The following CC2D2B variants were observed in gnomAD, a reference collection of about 807,000 sequenced individuals.
CC2D2B encodes protein CC2D2B.
Under a neutral mutation model 161.2 loss-of-function variants are expected in CC2D2B, and 128 were observed. That is an observed-to-expected ratio of 0.79 (90% CI 0.69 to 0.92). CC2D2B has a LOEUF of 0.92. CC2D2B is among the 40% of genes least tolerant of loss of function. The pLI, the probability that CC2D2B is intolerant of heterozygous loss-of-function variation, is 0.00. For synonymous variants in CC2D2B, 391 were observed against 449.8 expected, an observed-to-expected ratio of 0.87 and a Z score of 1.65; for missense variants, 1,173 against 1,375.1, an observed-to-expected ratio of 0.85 and a Z score of 2.32.
intron 22 of CC2D2B, among the ~76,000 whole-genome samples, chr10:95,993,940 G>GTC: frequency 3.8e-5 from 1 of 26,300 alleles, no homozygotes; most frequent in Admixed American, 4.3e-4. Context: ...GTGTGTGTGT[G>GTC]TGTATGTATG....
At chr10:95,912,241 C>T (rs1029824936) in intron 2 of CC2D2B, among the ~76,000 whole-genome samples, 1 of 152,086 alleles carries the variant, frequency 6.6e-6, no homozygotes, top group African/African-American at 2.4e-5. Context: ...TAAAAAGAAA[C>T]TTATAACCAT....
chr10:95,962,410 A>G (rs2076791570), intron 12 of CC2D2B, among the ~76,000 whole-genome samples: 1 of 152,176 alleles, frequency 6.6e-6, no homozygotes, highest in African/African-American at 2.4e-5. Flanking sequence ...CAAATGCTGG[A>G]AAGGATGCTG....
chr10:96,029,241 C>CATATATATATATATAT (rs56195141), intron 34 of CC2D2B, among the ~76,000 whole-genome samples: 9 of 67,152 alleles, frequency 1.3e-4, no homozygotes, highest in Admixed American at 2.0e-4. Flanking sequence ...TTTCATGTAC[C>CATATATATATATATAT]ATATATATAT....
chr10:96,029,557 T>C (rs1253688021), intron 34 of CC2D2B, among the ~76,000 whole-genome samples: 2 of 151,370 alleles, frequency 1.3e-5, no homozygotes, highest in Non-Finnish European at 2.9e-5. Context: ...TCCCTGTTAT[T>C]TGTTCTGGGC....
intron 17 of CC2D2B, among the ~76,000 whole-genome samples, chr10:95,980,955 A>T (rs2077495642): frequency 6.6e-6 from 1 of 152,198 alleles, no homozygotes; most frequent in African/African-American, 2.4e-5. Flanking sequence ...CTATGAAGAG[A>T]CAGATTAAAT....
intron 30 of CC2D2B, 56 bp downstream of exon 30, chr10:96,016,370 C>A: frequency 8.2e-7 from 1 of 1,222,478 alleles, no homozygotes; most frequent in African/African-American, 1.5e-5. Flanking sequence ...CAGATTTCAG[C>A]TGCAAGTTTA....
chr10:95,998,223 T>G (rs1281345002), intron 24 of CC2D2B, among the ~76,000 whole-genome samples: 1 of 152,162 alleles, frequency 6.6e-6, no homozygotes, highest in African/African-American at 2.4e-5. Flanking sequence ...AACATCTGCA[T>G]TGTGTGATAT....
chr10:96,025,135 G>A (rs1174929358), intron 33 of CC2D2B, among the ~76,000 whole-genome samples: 8 of 103,282 alleles, frequency 7.7e-5, no homozygotes, highest in African/African-American at 1.7e-4. Flanking sequence ...ATAGGGAGAC[G>A]TCATCTCTAC....
chr10:95,981,398 CAAAAAAAAAAAAA>C (rs35175559), intron 17 of CC2D2B, among the ~76,000 whole-genome samples: 8 of 88,440 alleles, frequency 9.0e-5, no homozygotes, highest in African/African-American at 3.5e-4. Context: ...GACTCCGTCT[CAAAAAAAAAAAAA>C]AAAAAAAAAA....
rs1391974722 is a variant in CC2D2B, at chr10:96,019,140, A to G, written c.3631-63A>G. On this transcript the variant is annotated intron_variant, in intron 30 of 34. Coordinates refer to ENST00000646931, the MANE Select transcript of CC2D2B (RefSeq NM_001349008.3). Reference sequence around the variant, plus strand: ...CTTTAAAAATTAGAATCATCACAGTATAATTTCCATATATAGAAATTATTT... The same window carrying G: ...CTTTAAAAATTAGAATCATCACAGTGTAATTTCCATATATAGAAATTATTT... The G allele has an allele frequency of 5.9e-6, 8 of 1,360,660 alleles. No individual in the cohort carries two copies. In the Admixed American group the frequency reaches 6.7e-5, roughly 11 times the overall value. 84.3% of individuals were successfully genotyped at this position (1,360,660 alleles called of 1,614,324 possible). A position where few individuals can be genotyped will look rare whatever the true frequency, so the allele number is the denominator to read the frequency against.
intron 9 of CC2D2B, among the ~76,000 whole-genome samples, chr10:95,947,197 C>CCGCCT (rs1303846594): frequency 1.4e-5 from 2 of 146,394 alleles, no homozygotes; most frequent in Non-Finnish European, 3.0e-5. Flanking sequence ...ACTGCAACCT[C>CCGCCT]CGCCTCCTGG....
intron 29 of CC2D2B, 97 bp from the exon 30 acceptor site, chr10:96,016,104 G>A: frequency 1.4e-6 from 1 of 736,416 alleles, no homozygotes; most frequent in Admixed American, 2.5e-5. Flanking sequence ...TTTGGAACTG[G>A]AGTGAGTACA....
chr10:95,932,302 C>T (rs1158101730), intron 6 of CC2D2B, among the ~76,000 whole-genome samples: 1 of 152,188 alleles, frequency 6.6e-6, no homozygotes, highest in Admixed American at 6.5e-5. Context: ...CTCCTGAATA[C>T]AGCACACCAA....
chr10:95,978,018 C>T (rs533008702), intron 17 of CC2D2B, among the ~76,000 whole-genome samples: 2 of 151,892 alleles, frequency 1.3e-5, no homozygotes, highest in East Asian at 1.9e-4. Flanking sequence ...TATACAGTAC[C>T]GTGAGTATAC....
chr10:95,989,115 G>A (rs2077846541), intron 20 of CC2D2B, among the ~76,000 whole-genome samples: 1 of 152,172 alleles, frequency 6.6e-6, no homozygotes, highest in Non-Finnish European at 1.5e-5. Flanking sequence ...GGAAAGCTAT[G>A]GAAAGAGCTA....
At chr10:95,932,207 C>CT (rs1000955767) in intron 6 of CC2D2B, among the ~76,000 whole-genome samples, 41 of 151,844 alleles carry the variant, frequency 2.7e-4, no homozygotes, top group African/African-American at 8.7e-4. Context: ...GCAACCCCTG[C>CT]TTTTTTTTGC....
Position 96,031,824 on chromosome 10 carries a change from C to A in CC2D2B, c.4130C>A (p.Thr1377Lys), listed in dbSNP as rs374439752. 2 of 1,612,398 alleles carry A rather than the reference C, an allele frequency of 1.2e-6. No individual in the cohort carries two copies. Among genetic ancestry groups the A allele is most frequent in the Admixed American group, 3.3e-5 (2 of 59,950 alleles). Residue 1377 changes from threonine to lysine, a missense_variant, in exon 35 of 35, where the codon ACG becomes AAG. By Grantham distance (78) the Thr-to-Lys change is moderately conservative (BLOSUM62 -1). Around this residue, in one of 3 missense-constraint regions of CC2D2B, gnomAD observed 598 missense variants for 693.2 expected, o/e 0.86. Coordinates refer to ENST00000646931, the MANE Select transcript of CC2D2B (RefSeq NM_001349008.3). ...FERILQFYWV[T>K]GFPIQMPYID... Reference sequence around the variant, plus strand: ...GCTGTTCTGTCTTTGATCCAGGTCACGGGATTTCCCATCCAGATGCCATAC... The same window carrying A: ...GCTGTTCTGTCTTTGATCCAGGTCAAGGGATTTCCCATCCAGATGCCATAC...
intron 17 of CC2D2B, among the ~76,000 whole-genome samples, chr10:95,974,577 C>T (rs891674890): frequency 6.6e-6 from 1 of 152,026 alleles, no homozygotes; most frequent in African/African-American, 2.4e-5. Flanking sequence ...GAAATAAGTA[C>T]AGTAAATTCT....
intron 17 of CC2D2B, 62 bp from the exon 18 acceptor site, chr10:95,981,913 T>A (rs922980799): frequency 1.2e-6 from 1 of 835,782 alleles, no homozygotes; most frequent in African/African-American, 1.8e-5. Context: ...TAACAGTGTA[T>A]TATATATAAT....
Sources: gnomAD v4.1 joint callset for allele counts (sites outside exome capture counted in the v4.1 genomes callset) on GRCh38, gnomAD v4.1.1 for gene constraint, gnomAD v4.1.1 regional missense constraint, MANE v1.5 for transcripts, NCBI Gene and HGNC (gene_info 2026-07-23, HGNC 2026-07-21) for gene names.